Variants in MACROD2 observed in about 807,000 individuals in gnomAD.
The protein encoded by MACROD2 is mono-ADP ribosylhydrolase 2.
A neutral mutation model predicts 70.4 loss-of-function variants in MACROD2; 36 were observed. That is an observed-to-expected ratio of 0.51 (90% confidence interval 0.39 to 0.68). The LOEUF is 0.68. MACROD2 is among the 30% of genes least tolerant of loss of function. MACROD2 has a pLI of 0.00. For missense variants in MACROD2, 496 were observed against 538.4 expected, an observed-to-expected ratio of 0.92 and a Z score of 0.78; for synonymous variants, 172 against 178.8, an observed-to-expected ratio of 0.96 and a Z score of 0.30.
At chr20:15,045,627 A>G (rs895628510) in intron 5 of MACROD2, among the ~76,000 whole-genome samples, 2 of 151,922 alleles carry the variant, frequency 1.3e-5, no homozygotes, top group African/African-American at 4.8e-5. Flanking sequence ...CAAGATCATA[A>G]CCATGGAGAA....
intron 7 of MACROD2, among the ~76,000 whole-genome samples, chr20:15,464,395 A>G (rs758247348): frequency 2.0e-5 from 3 of 152,206 alleles, no homozygotes; most frequent in Non-Finnish European, 4.4e-5. Context: ...GAGTGGAGAT[A>G]TGGAGAAAAG....
intron 15 of MACROD2, among the ~76,000 whole-genome samples, chr20:16,033,858 G>GC (rs745511689): frequency 1.2e-3 from 165 of 139,382 alleles, no homozygotes; most frequent in Non-Finnish European, 1.5e-3. Flanking sequence ...AGTAGGGGGT[G>GC]GGGTGGGGGA....
At chr20:15,136,894 C>T (rs1425623141) in intron 5 of MACROD2, among the ~76,000 whole-genome samples, 18 of 142,344 alleles carry the variant, frequency 1.3e-4, no homozygotes, top group South Asian at 2.3e-4. Context: ...AAAAAGTGGG[C>T]AAAGAATATG....
intron 4 of MACROD2, among the ~76,000 whole-genome samples, chr20:14,630,826 A>G (rs1489841227): frequency 3.3e-5 from 5 of 152,178 alleles, no homozygotes; most frequent in Non-Finnish European, 5.9e-5. Flanking sequence ...TTTCAAGGAG[A>G]TGATCTACAG....
At chr20:14,268,077 C>A (rs1261484260) in intron 3 of MACROD2, among the ~76,000 whole-genome samples, 1 of 151,958 alleles carries the variant, frequency 6.6e-6, no homozygotes, top group African/African-American at 2.4e-5. Context: ...AATGAAACCC[C>A]ATATAACTAT....
intron 8 of MACROD2, among the ~76,000 whole-genome samples, chr20:15,743,685 C>T (rs1354294034): frequency 6.6e-6 from 1 of 152,110 alleles, no homozygotes; most frequent in East Asian, 1.9e-4. Context: ...GAGTGCCCCT[C>T]GCTGCACTTG....
At chr20:13,996,470 AGTGTGTT>A (rs2148604175) in intron 1 of MACROD2, 1 of 154,304 alleles carries the variant, frequency 6.5e-6, no homozygotes, top group South Asian at 2.0e-4. Context: ...TTCTCCCAAC[AGTGTGTT>A]TCTCTGTATT....
chr20:15,434,693 G>A (rs115415452), intron 7 of MACROD2, among the ~76,000 whole-genome samples: 1,741 of 151,948 alleles, frequency 0.011, 26 homozygotes, highest in African/African-American at 0.038. Flanking sequence ...AAAAGAAGTC[G>A]TTATATGAGA....
chr20:14,938,027 CT>C (rs2074356667), intron 5 of MACROD2, among the ~76,000 whole-genome samples: 1 of 92,738 alleles, frequency 1.1e-5, no homozygotes, highest in Non-Finnish European at 2.4e-5. Context: ...TTTTTTCATT[CT>C]TTTTTATTGG....
intron 5 of MACROD2, among the ~76,000 whole-genome samples, chr20:15,110,521 C>A (rs1265194510): frequency 1.3e-5 from 2 of 152,258 alleles, no homozygotes; most frequent in South Asian, 4.1e-4. Flanking sequence ...AGGGCAAAGT[C>A]ACAGCATCTG....
intron 6 of MACROD2, among the ~76,000 whole-genome samples, chr20:15,230,904 T>A (rs1039789886): frequency 1.3e-5 from 2 of 152,106 alleles, no homozygotes; most frequent in African/African-American, 4.8e-5. Flanking sequence ...CTCCCCCATA[T>A]AGATTATAGC....
At chr20:14,907,796 A>T (rs1328944770) in intron 5 of MACROD2, among the ~76,000 whole-genome samples, 2 of 152,100 alleles carry the variant, frequency 1.3e-5, no homozygotes, top group Non-Finnish European at 2.9e-5. Flanking sequence ...AAGAGTTTAG[A>T]TATTGACTAT....
intron 1 of MACROD2, among the ~76,000 whole-genome samples, chr20:13,997,267 A>G: frequency 6.6e-6 from 1 of 152,346 alleles, no homozygotes; most frequent in South Asian, 2.1e-4. Flanking sequence ...CCTGATAGAT[A>G]AAGTAGTGTA....
chr20:15,747,546 A>G (rs2051202406), intron 8 of MACROD2, among the ~76,000 whole-genome samples: 1 of 152,102 alleles, frequency 6.6e-6, no homozygotes, highest in Admixed American at 6.6e-5. Context: ...GTTTTTAAAT[A>G]GTATTGTTAT....
chr20:15,244,215 T>C (rs1474101717), intron 6 of MACROD2, among the ~76,000 whole-genome samples: 2 of 152,148 alleles, frequency 1.3e-5, no homozygotes, highest in African/African-American at 4.8e-5. Flanking sequence ...AAATTTTCCA[T>C]GTTGGGGCTA....
At position 14,848,423 on chromosome 20, in the gene MACROD2, T is replaced by C. The variant is rs1423040133; in HGVS notation, c.418+163464T>C. Reference sequence around the variant, plus strand: ...TGAGTTTATAAAACAGAGAGTAATATGGGTGAGAAAGTTGGCCCTTGCTCT... The same window carrying C: ...TGAGTTTATAAAACAGAGAGTAATACGGGTGAGAAAGTTGGCCCTTGCTCT... On this transcript the variant is annotated intron_variant, in intron 5 of 17. Transcript: ENST00000684519. Among the ~76,000 whole-genome samples the C allele has an allele frequency of 1.3e-5, 2 of 152,176 alleles. 1 individual carries two copies. The highest frequency in any genetic ancestry group is 4.1e-4 in the South Asian group (2 of 4,828).
At chr20:15,519,118 C>CCTTT (rs1277113232) in intron 8 of MACROD2, among the ~76,000 whole-genome samples, 3 of 91,016 alleles carry the variant, frequency 3.3e-5, no homozygotes, top group Non-Finnish European at 6.7e-5. Context: ...TTCCTTCCTT[C>CCTTT]CTTTCTTTCT....
At chr20:15,134,926 C>G (rs1376185866) in intron 5 of MACROD2, among the ~76,000 whole-genome samples, 1 of 152,132 alleles carries the variant, frequency 6.6e-6, no homozygotes, top group Non-Finnish European at 1.5e-5. Flanking sequence ...TCAGAGAATA[C>G]TACAAGCACC....
chr20:15,649,810 T>C (rs1048561275), intron 8 of MACROD2, among the ~76,000 whole-genome samples: 2 of 152,196 alleles, frequency 1.3e-5, no homozygotes, highest in African/African-American at 2.4e-5. Flanking sequence ...CAAAGCCATT[T>C]AAGACTGTGT....
Sources: gnomAD v4.1 joint callset for allele counts (sites outside exome capture counted in the v4.1 genomes callset) on GRCh38, gnomAD v4.1.1 for gene constraint, MANE v1.5 for transcripts, NCBI Gene and HGNC (gene_info 2026-07-23, HGNC 2026-07-21) for gene names.